The following COL4A6 variants were observed in gnomAD, a reference collection of about 807,000 sequenced individuals.
COL4A6 encodes the protein collagen type IV alpha 6 chain, also known as collagen alpha-6(IV) chain.
A neutral mutation model predicts 126.7 loss-of-function variants in COL4A6; 59 were observed. The observed-to-expected ratio is 0.47, with a 90% confidence interval of 0.38 to 0.58. The LOEUF is 0.58. Among genes scored for constraint, COL4A6 ranks in the 20% least tolerant of loss-of-function variants. COL4A6 has a pLI of 0.00. For missense variants in COL4A6, 1,285 were observed against 1,337.3 expected (o/e 0.96, Z 0.61); for synonymous variants, 547 against 496.6 (o/e 1.10, Z -1.35).
intron 13 of COL4A6, among the ~76,000 whole-genome samples, chrX:108,199,646 C>A (rs781685577): frequency 4.5e-5 from 5 of 111,820 alleles, no homozygotes; most frequent in South Asian, 7.5e-4. Flanking sequence ...CAATTTATCA[C>A]CGTGCATTGT....
chrX:108,309,639 T>C (rs1794491975), intron 3 of COL4A6, among the ~76,000 whole-genome samples: 2 of 111,316 alleles, frequency 1.8e-5, no homozygotes, highest in South Asian at 3.8e-4. Context: ...GGTCACTGTG[T>C]TCCCTGTTTG....
chrX:108,280,814 T>A (rs2037791170), intron 3 of COL4A6, among the ~76,000 whole-genome samples: 1 of 111,534 alleles, frequency 9.0e-6, no homozygotes. Context: ...GTGGGCTTCA[T>A]CCCTGGGATG....
At chrX:108,164,735 ATGGTAGGGG>A (rs1218402912) in intron 39 of COL4A6, 37 bp from the exon 40 acceptor site, 2 of 1,196,165 alleles carry the variant, frequency 1.7e-6, no homozygotes, top group Non-Finnish European at 2.3e-6. Context: ...AGGTCCCGGC[ATGGTAGGGG>A]TGGTAGGGGT....
At chrX:108,157,956 A>G (rs1485500165) in intron 44 of COL4A6, among the ~76,000 whole-genome samples, 1 of 112,181 alleles carries the variant, frequency 8.9e-6, no homozygotes, top group Non-Finnish European at 1.9e-5. Context: ...GGCCTAATAC[A>G]CAACCGTGTC....
At chrX:108,339,623 T>C (rs2039512350) in intron 2 of COL4A6, among the ~76,000 whole-genome samples, 1 of 111,432 alleles carries the variant, frequency 9.0e-6, no homozygotes, top group South Asian at 3.8e-4. Context: ...GATGGCAATA[T>C]ACTTAGGAAA....
chrX:108,237,201 A>G (rs145051331), intron 3 of COL4A6, among the ~76,000 whole-genome samples: 551 of 111,391 alleles, frequency 4.9e-3, no homozygotes, highest in African/African-American at 0.018. Context: ...GCAGCAATCT[A>G]TCTAACACTC....
At chrX:108,381,714 C>T (rs2040560983) in intron 2 of COL4A6, among the ~76,000 whole-genome samples, 1 of 111,261 alleles carries the variant, frequency 9.0e-6, no homozygotes, top group African/African-American at 3.3e-5. Context: ...AAATGTTAAT[C>T]ATTATAATAA....
In COL4A6 at chrX:108,228,402, G is replaced by A. The variant is rs951744801; in HGVS notation, c.145-7028C>T. Among the ~76,000 whole-genome samples, 3 of 112,451 alleles carry A rather than the reference G, an allele frequency of 2.7e-5. No homozygotes were observed. The Admixed American group carries it at 2.8e-4, about 11-fold the overall frequency. ...TCATGCTGAGTTTTGTGCTTGGCAA[G>A]TATGAATATACATGTAGGGGCTGAG... On this transcript the variant is annotated intron_variant, in intron 3 of 44. Coordinates refer to ENST00000334504, the MANE Select transcript of COL4A6 (RefSeq NM_033641.4).
intron 2 of COL4A6, among the ~76,000 whole-genome samples, chrX:108,342,705 T>C (rs1312361969): frequency 1.8e-5 from 2 of 111,721 alleles, no homozygotes; most frequent in Non-Finnish European, 3.8e-5. Context: ...GCTAAATTCT[T>C]TGGGCCTGCA....
At chrX:108,354,608 C>CCT (rs2039918378) in intron 2 of COL4A6, among the ~76,000 whole-genome samples, 3 of 91,552 alleles carry the variant, frequency 3.3e-5, no homozygotes, top group African/African-American at 1.2e-4. Flanking sequence ...TCCCCCCCCC[C>CCT]TTTTTTTTTA....
At chrX:108,334,700 G>A (rs756861090) in intron 2 of COL4A6, among the ~76,000 whole-genome samples, 68 of 111,370 alleles carry the variant, frequency 6.1e-4, no homozygotes, top group Non-Finnish European at 1.1e-3. Flanking sequence ...ATTCTTTAAA[G>A]TAAGTGTGTG....
At chrX:108,290,987 T>A (rs896564897) in intron 3 of COL4A6, among the ~76,000 whole-genome samples, 2 of 112,334 alleles carry the variant, frequency 1.8e-5, no homozygotes, top group African/African-American at 6.5e-5. Context: ...TCATTCCAGT[T>A]TGCCTAGGAC....
intron 2 of COL4A6, among the ~76,000 whole-genome samples, chrX:108,342,783 C>T (rs1189014581): frequency 9.0e-6 from 1 of 110,901 alleles, no homozygotes; most frequent in Non-Finnish European, 1.9e-5. Context: ...AACTTTGACC[C>T]TACATGCCCT....
chrX:108,180,363 G>A (rs186753280), intron 25 of COL4A6, 152 bp downstream of exon 25: 99 of 465,341 alleles, frequency 2.1e-4, no homozygotes, highest in African/African-American at 1.8e-3. Flanking sequence ...GTCTTGCCAG[G>A]GTATAAAATT....
At position 108,408,032 on chromosome X, in the gene COL4A6, C is replaced by T. The variant is rs370223581; in HGVS notation, c.63+29910G>A. Reference sequence around the variant, plus strand: ...CAAGGCTCAGAGAAGCTAAGTAGGCCGGGTGGGGTGGCTCATGCCTGTAAT... The same window carrying T: ...CAAGGCTCAGAGAAGCTAAGTAGGCTGGGTGGGGTGGCTCATGCCTGTAAT... On this transcript the variant is annotated intron_variant, in intron 2 of 44. Coordinates refer to ENST00000334504, the MANE Select transcript of COL4A6 (RefSeq NM_033641.4). Among the ~76,000 whole-genome samples, 113 of 111,361 alleles carry T rather than the reference C, an allele frequency of 1.0e-3. 4 individuals are homozygous for T. In the East Asian group the frequency reaches 0.031, roughly 30 times the overall value.
intron 3 of COL4A6, among the ~76,000 whole-genome samples, chrX:108,222,867 A>C (rs1334565776): frequency 1.8e-5 from 2 of 112,005 alleles, no homozygotes; most frequent in African/African-American, 6.5e-5. Flanking sequence ...AAAATCAATA[A>C]ATATGTGTGT....
intron 2 of COL4A6, among the ~76,000 whole-genome samples, chrX:108,398,033 A>G (rs1420803791): frequency 2.7e-5 from 3 of 112,745 alleles, no homozygotes; most frequent in African/African-American, 6.4e-5. Flanking sequence ...TCCACAAAAC[A>G]GCTGACTATT....
chrX:108,308,293 T>C (rs763806505), intron 3 of COL4A6, among the ~76,000 whole-genome samples: 1 of 111,720 alleles, frequency 9.0e-6, no homozygotes, highest in South Asian at 3.8e-4. Context: ...CATGTTTGCC[T>C]GGTGTAGGAC....
intron 32 of COL4A6, 104 bp downstream of exon 32, chrX:108,172,365 G>GAAAAAAAA (rs397935341): frequency 3.3e-4 from 37 of 111,271 alleles, no homozygotes; most frequent in Admixed American, 5.0e-4. Context: ...GCCTAAAAAA[G>GAAAAAAAA]AAAAAAAAAA....
Sources: gnomAD v4.1 joint callset for allele counts (sites outside exome capture counted in the v4.1 genomes callset) on GRCh38, gnomAD v4.1.1 for gene constraint, MANE v1.5 for transcripts, NCBI Gene and HGNC (gene_info 2026-07-23, HGNC 2026-07-21) for gene names.